CACNA1I: variants seen among roughly 807,000 people sequenced by gnomAD.
CACNA1I encodes the protein voltage-dependent T-type calcium channel subunit alpha-1I.
Under a neutral mutation model 201.6 loss-of-function variants are expected in CACNA1I, and 74 were observed. The observed-to-expected ratio is 0.37, with a 90% confidence interval of 0.30 to 0.45. The LOEUF is 0.45. Among genes scored for constraint, CACNA1I ranks in the 20% least tolerant of loss-of-function variants. The pLI, the probability that CACNA1I is intolerant of heterozygous loss-of-function variation, is 1.00. For missense variants in CACNA1I, 2,346 were observed against 3,138.1 expected (o/e 0.75, Z 6.03); for synonymous variants, 1,431 against 1,345.2 (o/e 1.06, Z -1.40).
intron 29 of CACNA1I, among the ~76,000 whole-genome samples, chr22:39,675,683 T>C (rs1935496013): frequency 6.6e-6 from 1 of 152,014 alleles, no homozygotes; most frequent in Non-Finnish European, 1.5e-5. Context: ...TTCCCACCAG[T>C]CTCTGCCCCA....
chr22:39,671,372 C>T (rs954335169), intron 26 of CACNA1I, among the ~76,000 whole-genome samples: 2 of 152,208 alleles, frequency 1.3e-5, no homozygotes, highest in African/African-American at 4.8e-5. Context: ...GTTAAATATG[C>T]TGCCCAAATT....
intron 3 of CACNA1I, among the ~76,000 whole-genome samples, chr22:39,611,560 C>A (rs1384304206): frequency 6.6e-6 from 1 of 152,202 alleles, no homozygotes; most frequent in East Asian, 1.9e-4. Context: ...TTCCCAGCAG[C>A]CATTCTCACC....
intron 5 of CACNA1I, among the ~76,000 whole-genome samples, chr22:39,635,910 A>G (rs1934205360): frequency 6.6e-6 from 1 of 151,816 alleles, no homozygotes; most frequent in Admixed American, 6.6e-5. Flanking sequence ...TCGCCATCAC[A>G]CAGCCCTGCT....
At chr22:39,592,674 C>A (rs1932836301) in intron 1 of CACNA1I, among the ~76,000 whole-genome samples, 1 of 152,182 alleles carries the variant, frequency 6.6e-6, no homozygotes, top group Non-Finnish European at 1.5e-5. Flanking sequence ...CCAGCCCTGC[C>A]CCCTCTGTCA....
chr22:39,587,710 T>C (rs2145812647), intron 1 of CACNA1I: 1 of 451,212 alleles, frequency 2.2e-6, no homozygotes, highest in Admixed American at 2.4e-5. Context: ...TAAAGGTTCC[T>C]GTGGGGTTTG....
chr22:39,591,564 T>G (rs529348209), intron 1 of CACNA1I, among the ~76,000 whole-genome samples: 1 of 152,150 alleles, frequency 6.6e-6, no homozygotes, highest in South Asian at 2.1e-4. Context: ...TTCTTTTCTT[T>G]TTTTTTGTTT....
intron 10 of CACNA1I, among the ~76,000 whole-genome samples, chr22:39,653,394 A>AT (rs1934710662): frequency 6.6e-6 from 1 of 152,024 alleles, no homozygotes; most frequent in African/African-American, 2.4e-5. Context: ...GCCCGCTGGT[A>AT]TTTTTGCTCC....
chr22:39,672,878 C>T lies in CACNA1I; in HGVS notation c.4650-71C>T, dbSNP rs540860704. On this transcript the variant is annotated intron_variant, in intron 27 of 36. Transcript: ENST00000402142. ...GGGTCAGGACCTGGGAGGCTCCCCC[C>T]ACTAAGGTGTGTCTGAACCAGAGGG... is the stretch of plus-strand genomic sequence containing the variant. The T allele has an allele frequency of 3.3e-6, 5 of 1,508,004 alleles. 1 individual carries two copies. The highest frequency in any genetic ancestry group is 3.5e-4 in the Middle Eastern group (2 of 5,642). 93.4% of individuals were successfully genotyped at this position (1,508,004 alleles called of 1,614,324 possible).
intron 1 of CACNA1I, 141 bp downstream of exon 1, chr22:39,571,129 G>T: frequency 1.4e-6 from 1 of 720,872 alleles, no homozygotes; most frequent in Non-Finnish European, 2.4e-6. Context: ...GTGGTGGTGA[G>T]CGAGCTCAGA....
intron 1 of CACNA1I, among the ~76,000 whole-genome samples, chr22:39,579,155 G>A (rs1172995530): frequency 2.0e-5 from 3 of 152,340 alleles, no homozygotes; most frequent in Non-Finnish European, 4.4e-5. Context: ...GCCCAGCACA[G>A]GCCTGGCGCT....
chr22:39,604,922 G>C (rs1933167730), intron 3 of CACNA1I, among the ~76,000 whole-genome samples: 1 of 152,022 alleles, frequency 6.6e-6, no homozygotes, highest in Non-Finnish European at 1.5e-5. Flanking sequence ...CCAGCTATGT[G>C]CTGGATTTGG....
chr22:39,625,782 C>T (rs1255206758), intron 4 of CACNA1I, among the ~76,000 whole-genome samples: 2 of 152,136 alleles, frequency 1.3e-5, no homozygotes, highest in Non-Finnish European at 1.5e-5. Flanking sequence ...TAAGTCACCG[C>T]CTCTCTCTGG....
intron 1 of CACNA1I, among the ~76,000 whole-genome samples, chr22:39,591,541 A>G (rs1437987403): frequency 6.6e-6 from 1 of 151,892 alleles, no homozygotes; most frequent in African/African-American, 2.4e-5. Context: ...GGGCTGTACT[A>G]GCATCTCTTC....
At chr22:39,576,926 TG>T (rs1403335522) in intron 1 of CACNA1I, among the ~76,000 whole-genome samples, 2 of 152,004 alleles carry the variant, frequency 1.3e-5, no homozygotes, top group African/African-American at 2.4e-5. Context: ...CTGCCAGTGC[TG>T]GGGTCTGGAT....
At position 39,649,763 on chromosome 22, in the gene CACNA1I, G is replaced by A; in HGVS notation, c.1830G>A (p.Glu610=). 1.3e-6 allele frequency: 2 copies of A among 1,599,568 alleles called. No homozygotes were observed. The highest frequency in any genetic ancestry group is 1.7e-6 in the Non-Finnish European group (2 of 1,173,048). The change falls in exon 10 of 37, where the codon GAG becomes GAA. Residue 610 remains glutamate (E), a synonymous_variant. Transcript: ENST00000402142. This position sits in a 1 kb window ranked among gnomAD's most constrained non-coding sequence, Gnocchi z 7.3. ...CCTCAGAACTGGGGAAGGAGGAGGA[G>A]GAGGAGGAGCAGGCGGATGGGGCGG... ...GASSELGKEE[E]EEEQADGAVW... is the part of the protein sequence containing the mutation.
At chr22:39,674,698 TC>T (rs1399763799) in intron 29 of CACNA1I, among the ~76,000 whole-genome samples, 4 of 151,894 alleles carry the variant, frequency 2.6e-5, no homozygotes, top group African/African-American at 9.7e-5. Flanking sequence ...AGGCTCCCCT[TC>T]CCCCTCCCCT....
chr22:39,620,727 T>A (rs1014810641), intron 4 of CACNA1I, among the ~76,000 whole-genome samples: 1 of 147,986 alleles, frequency 6.8e-6, no homozygotes. Context: ...TTCCTGGTTT[T>A]TTTTTGTTGT....
intron 1 of CACNA1I, chr22:39,571,272 A>G: frequency 1.9e-6 from 1 of 512,934 alleles, no homozygotes; most frequent in African/African-American, 1.9e-5. Context: ...TGTGGGCCCC[A>G]GACCTGTGCT....
At chr22:39,610,222 C>T (rs1323910934) in intron 3 of CACNA1I, among the ~76,000 whole-genome samples, 2 of 152,316 alleles carry the variant, frequency 1.3e-5, no homozygotes, top group East Asian at 1.9e-4. Flanking sequence ...GCACTGGGTG[C>T]TCTGAGGGCA....
Sources: gnomAD v4.1 joint callset for allele counts (sites outside exome capture counted in the v4.1 genomes callset) on GRCh38, gnomAD v4.1.1 for gene constraint, Gnocchi (gnomAD v3.1) non-coding constraint, MANE v1.5 for transcripts, NCBI Gene and HGNC (gene_info 2026-07-23, HGNC 2026-07-21) for gene names.